OSBPL8: variants seen among roughly 807,000 people sequenced by gnomAD.
OSBPL8 encodes oxysterol-binding protein-related protein 8.
Under a neutral mutation model 125.5 loss-of-function variants are expected in OSBPL8, and 59 were observed. That is an observed-to-expected ratio of 0.47 (90% CI 0.38 to 0.58). The LOEUF (loss-of-function observed/expected upper bound fraction) is 0.58, where lower values mean the gene tolerates loss of function less well. OSBPL8 is among the 20% of genes least tolerant of loss of function. The pLI is 0.00. For synonymous variants in OSBPL8, 330 were observed against 338.9 expected (o/e 0.97, Z 0.29); for missense variants, 758 against 1,047.8 (o/e 0.72, Z 3.82).
At chr12:76,429,041 T>A (rs771846423) in intron 4 of OSBPL8, among the ~76,000 whole-genome samples, 60 of 152,224 alleles carry the variant, frequency 3.9e-4, no homozygotes, top group Non-Finnish European at 7.2e-4. Context: ...AATAATTACA[T>A]GGCTGCAAAT....
At chr12:76,466,185 G>A (rs543495549) in intron 2 of OSBPL8, among the ~76,000 whole-genome samples, 1 of 151,984 alleles carries the variant, frequency 6.6e-6, no homozygotes, top group Admixed American at 6.6e-5. Flanking sequence ...TTAGGAGGTA[G>A]GATTTTACTT....
chr12:76,472,699 C>T (rs116796217), intron 2 of OSBPL8, among the ~76,000 whole-genome samples: 6,964 of 152,238 alleles, frequency 0.046, 570 homozygotes, highest in African/African-American at 0.16. Context: ...ACAGCTTACA[C>T]CATTATTTCT....
intron 6 of OSBPL8, among the ~76,000 whole-genome samples, chr12:76,401,260 AG>A (rs1025461412): frequency 2.0e-5 from 3 of 152,218 alleles, no homozygotes; most frequent in African/African-American, 7.2e-5. Flanking sequence ...AACAACCTAT[AG>A]AAACATGTAG....
intron 15 of OSBPL8, among the ~76,000 whole-genome samples, chr12:76,382,433 G>GT (rs914134113): frequency 9.2e-5 from 14 of 152,182 alleles, no homozygotes; most frequent in Admixed American, 7.9e-4. Flanking sequence ...ATTATTTGTT[G>GT]TAAGGGGTTG....
At chr12:76,504,843 T>C (rs1478622200) in intron 1 of OSBPL8, among the ~76,000 whole-genome samples, 4 of 152,282 alleles carry the variant, frequency 2.6e-5, no homozygotes, top group African/African-American at 9.6e-5. Context: ...ATAACATTAT[T>C]ATTATAGAAC....
chr12:76,392,474 G>A (rs1953604030), intron 10 of OSBPL8, 107 bp downstream of exon 10: 2 of 987,242 alleles, frequency 2.0e-6, no homozygotes, highest in East Asian at 2.5e-5. Flanking sequence ...GGGAAGATAT[G>A]CAAATTTCAG....
chr12:76,405,385 G>A (rs904629757), intron 5 of OSBPL8, among the ~76,000 whole-genome samples: 3 of 152,146 alleles, frequency 2.0e-5, no homozygotes, highest in Non-Finnish European at 4.4e-5. Context: ...CCCGAGCCTA[G>A]GAGTTTGAGG....
intron 1 of OSBPL8, among the ~76,000 whole-genome samples, chr12:76,501,189 C>A (rs1879865504): frequency 6.6e-6 from 1 of 152,070 alleles, no homozygotes; most frequent in African/African-American, 2.4e-5. Flanking sequence ...ATTTAAATCC[C>A]AATTTATAAT....
At chr12:76,372,960 ACTCT>A (rs1261795463) in intron 18 of OSBPL8, among the ~76,000 whole-genome samples, 1 of 151,968 alleles carries the variant, frequency 6.6e-6, no homozygotes, top group Non-Finnish European at 1.5e-5. Flanking sequence ...AATTATGTGA[ACTCT>A]CTGTGCCTCA....
intron 1 of OSBPL8, among the ~76,000 whole-genome samples, chr12:76,553,420 TTGGGAGACCAAGG>T (rs1412377702): frequency 1.3e-5 from 2 of 151,766 alleles, no homozygotes; most frequent in East Asian, 3.9e-4. Context: ...TCCCAGCACT[TTGGGAGACCAAGG>T]TGGGAGAATC....
At chr12:76,393,074 C>T (rs1165157804) in intron 9 of OSBPL8, among the ~76,000 whole-genome samples, 1 of 152,138 alleles carries the variant, frequency 6.6e-6, no homozygotes, top group Non-Finnish European at 1.5e-5. Flanking sequence ...ACATAAAATA[C>T]ACTTGAGGAT....
At chr12:76,532,899 A>G (rs754203774) in intron 1 of OSBPL8, among the ~76,000 whole-genome samples, 40 of 152,136 alleles carry the variant, frequency 2.6e-4, no homozygotes, top group Non-Finnish European at 5.0e-4. Flanking sequence ...AATGTCTACT[A>G]TTTCTAAAAC....
intron 4 of OSBPL8, among the ~76,000 whole-genome samples, chr12:76,445,356 A>C (rs1872622641): frequency 6.6e-6 from 1 of 152,192 alleles, no homozygotes; most frequent in Non-Finnish European, 1.5e-5. Flanking sequence ...AAAAGTTTGA[A>C]TCATAGGAAA....
chr12:76,419,747 A>C (rs1869233914), intron 4 of OSBPL8, among the ~76,000 whole-genome samples: 1 of 152,226 alleles, frequency 6.6e-6, no homozygotes, highest in Admixed American at 6.5e-5. Flanking sequence ...AATGACATTC[A>C]AACCTGGTTG....
intron 15 of OSBPL8, among the ~76,000 whole-genome samples, chr12:76,379,769 T>G (rs1201334434): frequency 6.6e-6 from 1 of 152,236 alleles, no homozygotes; most frequent in African/African-American, 2.4e-5. Context: ...GTCCTTAAGT[T>G]GTGTTTAGTC....
intron 1 of OSBPL8, among the ~76,000 whole-genome samples, chr12:76,550,770 A>C (rs1950913619): frequency 6.6e-6 from 1 of 152,186 alleles, no homozygotes; most frequent in Non-Finnish European, 1.5e-5. Flanking sequence ...TAAATGGAAA[A>C]TTCAAGTAAT....
chr12:76,468,076 G>T (rs1875682612), intron 2 of OSBPL8, among the ~76,000 whole-genome samples: 1 of 152,044 alleles, frequency 6.6e-6, no homozygotes, highest in Admixed American at 6.6e-5. Context: ...ATATAAATTT[G>T]TTTTGAAAAT....
At chr12:76,400,688 T>C (rs1036413656) in intron 6 of OSBPL8, among the ~76,000 whole-genome samples, 3 of 151,902 alleles carry the variant, frequency 2.0e-5, no homozygotes, top group East Asian at 3.9e-4. Context: ...ATAAAAATAC[T>C]GTATTTTTTT....
intron 1 of OSBPL8, among the ~76,000 whole-genome samples, chr12:76,554,440 A>C (rs1951037010): frequency 6.6e-6 from 1 of 152,240 alleles, no homozygotes; most frequent in Non-Finnish European, 1.5e-5. Flanking sequence ...GTTAAACCTC[A>C]AGTTTAAATC....
Sources: allele counts gnomAD v4.1 joint callset (sites outside exome capture counted in the v4.1 genomes callset), GRCh38; gene constraint gnomAD v4.1.1; transcripts MANE v1.5; gene names NCBI Gene and HGNC (gene_info 2026-07-23, HGNC 2026-07-21).